The following CD38 variants were observed in gnomAD, a reference collection of about 807,000 sequenced individuals.
The protein encoded by CD38 is CD38 molecule, also known as ADP-ribosyl cyclase/cyclic ADP-ribose hydrolase 1.
A neutral mutation model predicts 36.3 loss-of-function variants in CD38; 31 were observed. The ratio of observed to expected loss-of-function variants is 0.85; its 90% CI spans 0.64 to 1.15. The LOEUF (loss-of-function observed/expected upper bound fraction) is 1.15. CD38 is among the 50% of genes most tolerant of loss of function. The pLI, the probability that CD38 is intolerant of heterozygous loss-of-function variation, is 0.00. For synonymous variants in CD38, 131 were observed against 135.2 expected (o/e 0.97, Z 0.22); for missense variants, 380 against 371.9 (o/e 1.02, Z -0.18).
At chr4:15,816,691 T>A (rs746798454) in intron 2 of CD38, 51 bp downstream of exon 2, 1 of 1,590,892 alleles carries the variant, frequency 6.3e-7, no homozygotes, top group Non-Finnish European at 8.6e-7. Flanking sequence ...AAGCCAATGG[T>A]AACAATTCAT....
At chr4:15,832,079 ACT>A (rs1411673767) in intron 3 of CD38, among the ~76,000 whole-genome samples, 1 of 151,724 alleles carries the variant, frequency 6.6e-6, no homozygotes, top group African/African-American at 2.4e-5. Flanking sequence ...CTATAAAAAG[ACT>A]CTGATGCATT....
intron 1 of CD38, among the ~76,000 whole-genome samples, chr4:15,801,324 G>A (rs1723219313): frequency 6.6e-6 from 1 of 150,964 alleles, no homozygotes; most frequent in African/African-American, 2.4e-5. Context: ...AAAAAAAAAA[G>A]CTCAGGACTG....
intron 3 of CD38, among the ~76,000 whole-genome samples, chr4:15,830,870 C>T (rs78456091): frequency 1.9e-4 from 29 of 152,172 alleles, no homozygotes; most frequent in Middle Eastern, 3.4e-3. Context: ...TTACATTTGA[C>T]GTAAATGTTA....
intron 7 of CD38, among the ~76,000 whole-genome samples, chr4:15,847,688 T>C (rs988572568): frequency 7.7e-5 from 10 of 130,186 alleles, no homozygotes; most frequent in Admixed American, 7.4e-4. Flanking sequence ...GAAAATAGAA[T>C]AGTAGAAACC....
intron 3 of CD38, among the ~76,000 whole-genome samples, chr4:15,829,405 G>T (rs1016788917): frequency 1.3e-5 from 2 of 151,990 alleles, no homozygotes; most frequent in African/African-American, 2.4e-5. Flanking sequence ...TAAAACAGGG[G>T]TGTCCAATTT....
intron 7 of CD38, among the ~76,000 whole-genome samples, chr4:15,848,019 C>G (rs1724300658): frequency 6.6e-6 from 1 of 152,192 alleles, no homozygotes; most frequent in Non-Finnish European, 1.5e-5. Flanking sequence ...TTCTGAGGAT[C>G]TCTCTCTTCC....
intron 1 of CD38, among the ~76,000 whole-genome samples, chr4:15,803,779 G>T (rs1723278610): frequency 6.6e-6 from 1 of 152,008 alleles, no homozygotes; most frequent in South Asian, 2.1e-4. Flanking sequence ...CCCAATATGT[G>T]GTTTTGCAAC....
chr4:15,829,942 A>C, intron 3 of CD38, among the ~76,000 whole-genome samples: 1 of 152,138 alleles, frequency 6.6e-6, no homozygotes, highest in Non-Finnish European at 1.5e-5. Context: ...TTGTGGCTGA[A>C]TAGTACTCCA....
intron 1 of CD38, among the ~76,000 whole-genome samples, chr4:15,795,212 T>C (rs994691359): frequency 6.6e-6 from 1 of 151,976 alleles, no homozygotes; most frequent in Non-Finnish European, 1.5e-5. Flanking sequence ...AATCAAGAAT[T>C]AGTTTCGTGT....
At chr4:15,790,734 C>T (rs534553825) in intron 1 of CD38, among the ~76,000 whole-genome samples, 4 of 149,478 alleles carry the variant, frequency 2.7e-5, no homozygotes, top group Non-Finnish European at 5.9e-5. Context: ...AGGCGAGGAG[C>T]GCCTCTTCCC....
At chr4:15,818,829 G>A (rs761879632) in intron 2 of CD38, among the ~76,000 whole-genome samples, 6 of 152,184 alleles carry the variant, frequency 3.9e-5, no homozygotes, top group African/African-American at 2.4e-5. Context: ...CAATGAAAAA[G>A]ACCCCACAAA....
At chr4:15,786,484 G>A (rs1722834076) in intron 1 of CD38, among the ~76,000 whole-genome samples, 1 of 151,860 alleles carries the variant, frequency 6.6e-6, no homozygotes, top group Non-Finnish European at 1.5e-5. Flanking sequence ...TAAGTCCCTA[G>A]TAGATTAGCT....
intron 1 of CD38, among the ~76,000 whole-genome samples, chr4:15,792,553 A>G (rs1723028439): frequency 6.6e-6 from 1 of 152,138 alleles, no homozygotes; most frequent in African/African-American, 2.4e-5. Flanking sequence ...AACTAGGGCT[A>G]ATAATACAAT....
In CD38 at chr4:15,787,992, C is replaced by T. The variant is rs79397206; in HGVS notation, c.233+9345C>T. Among the ~76,000 whole-genome samples, 1,313 of 152,322 alleles carry T rather than the reference C, an allele frequency of 8.6e-3. 7 individuals carry two copies. Among genetic ancestry groups the T allele is most frequent in the Middle Eastern group, 0.02 (6 of 294 alleles). Reference sequence around the variant, plus strand: ...ACATTCCCTTGTACCCACTCCTCGCCCTCTGCGTCAGGGTAAGAGAACAGC... The same window carrying T: ...ACATTCCCTTGTACCCACTCCTCGCTCTCTGCGTCAGGGTAAGAGAACAGC... On this transcript the variant is annotated intron_variant, in intron 1 of 7. Transcript: ENST00000226279.
intron 1 of CD38, among the ~76,000 whole-genome samples, chr4:15,786,975 T>A (rs1722848849): frequency 6.6e-6 from 1 of 152,246 alleles, no homozygotes. Context: ...GCTGCTGGCC[T>A]GGGTGCTAAG....
chr4:15,823,993 T>C (rs1351976606), intron 2 of CD38, among the ~76,000 whole-genome samples: 1 of 152,152 alleles, frequency 6.6e-6, no homozygotes, highest in Non-Finnish European at 1.5e-5. Flanking sequence ...CAAGATCATG[T>C]CCTTTGTAGG....
intron 1 of CD38, among the ~76,000 whole-genome samples, chr4:15,796,935 A>G (rs1189511698): frequency 6.6e-6 from 1 of 152,198 alleles, no homozygotes; most frequent in South Asian, 2.1e-4. Context: ...CTGCAATGAA[A>G]TCCTTCTGTA....
At chr4:15,796,878 A>G (rs1455068007) in intron 1 of CD38, among the ~76,000 whole-genome samples, 1 of 152,182 alleles carries the variant, frequency 6.6e-6, no homozygotes, top group African/African-American at 2.4e-5. Context: ...ACTTGTATCT[A>G]TGAACGTTTC....
At chr4:15,783,023 G>C (rs1198135023) in intron 1 of CD38, among the ~76,000 whole-genome samples, 1 of 152,202 alleles carries the variant, frequency 6.6e-6, no homozygotes, top group African/African-American at 2.4e-5. Context: ...AGTTGAACCA[G>C]GGGCATTACA....
Sources: gnomAD v4.1 joint callset for allele counts (sites outside exome capture counted in the v4.1 genomes callset) on GRCh38, gnomAD v4.1.1 for gene constraint, MANE v1.5 for transcripts, NCBI Gene and HGNC (gene_info 2026-07-23, HGNC 2026-07-21) for gene names.